Variants in BMX observed in about 807,000 individuals in gnomAD.
BMX encodes cytoplasmic tyrosine-protein kinase BMX.
BMX carries 31 observed loss-of-function variants against 59.2 expected under a neutral mutation model. That is an observed-to-expected ratio of 0.52 (90% CI 0.39 to 0.71). The LOEUF (loss-of-function observed/expected upper bound fraction) is 0.71, where lower values mean the gene tolerates loss of function less well. Ranked by LOEUF, BMX falls within the 30% of genes least tolerant of loss-of-function variation. BMX has a pLI of 0.00. For synonymous variants in BMX, 185 were observed against 181.0 expected (o/e 1.02, Z -0.18); for missense variants, 474 against 491.7 (o/e 0.96, Z 0.34).
In BMX at chrX:15,525,315, C is replaced by T. The variant is rs1211631582; in HGVS notation, c.780C>T (p.Ser260=). ...KSSSSSEDVA[S]SNQKERNVNH... The stretch of plus-strand genomic sequence containing the variant: ...GCAGCAGCAGTGAAGATGTTGCAAG[C>T]AGTAACCAAAAAGAAAGAAATGTGA... The change falls in exon 8 of 19, where the codon AGC becomes AGT. Residue 260 remains serine (S), a synonymous_variant. Transcript: ENST00000348343. 1.7e-6 allele frequency: 2 copies of T among 1,209,636 alleles called. No homozygotes were observed. Among genetic ancestry groups the T allele is most frequent in the Non-Finnish European group, 2.2e-6 (2 of 894,192 alleles).
At chrX:15,547,004 T>C (rs1181763496) in intron 17 of BMX, 83 bp downstream of exon 17, 53 of 806,526 alleles carry the variant, frequency 6.6e-5, no homozygotes, top group African/African-American at 1.0e-4. Flanking sequence ...GCAATGTCCA[T>C]TTTAAAAGGG....
At chrX:15,508,694 ACTAAGGCAAATTATAACTTTAGAAC>A (rs1923834221) in intron 2 of BMX, among the ~76,000 whole-genome samples, 1 of 112,390 alleles carries the variant, frequency 8.9e-6, no homozygotes, top group African/African-American at 3.2e-5. Context: ...AGTTAACTTT[ACTAAGGCAAATTATAACTTTAGAAC>A]AGTGGTTCTC....
intron 18 of BMX, among the ~76,000 whole-genome samples, chrX:15,550,712 A>ACC (rs1926158992): frequency 9.9e-6 from 1 of 101,195 alleles, no homozygotes; most frequent in Non-Finnish European, 2.0e-5. Flanking sequence ...ACACACACAC[A>ACC]AATAGGACTG....
chrX:15,540,015 C>G (rs1925582060), intron 14 of BMX, among the ~76,000 whole-genome samples: 1 of 112,173 alleles, frequency 8.9e-6, no homozygotes, highest in Admixed American at 9.4e-5. Flanking sequence ...CTGTGGAAGA[C>G]AGTGTGGTGA....
At chrX:15,536,803 AT>A (rs1478120881) in intron 13 of BMX, among the ~76,000 whole-genome samples, 1 of 111,035 alleles carries the variant, frequency 9.0e-6, no homozygotes, top group Non-Finnish European at 1.9e-5. Flanking sequence ...TATTAAAAAA[AT>A]CTGACAATGT....
chrX:15,533,973 A>G (rs941570123), intron 11 of BMX, among the ~76,000 whole-genome samples: 12 of 111,745 alleles, frequency 1.1e-4, no homozygotes, highest in Admixed American at 8.6e-4. Flanking sequence ...TTTACTGTAC[A>G]TGAAATCTAT....
In BMX at chrX:15,534,359, C is replaced by A. The variant is rs141696369; in HGVS notation, c.1147+20C>A. On this transcript the variant is annotated intron_variant, in intron 12 of 18. Transcript: ENST00000348343. ...CAGCAGGTAACTTATTTTAGTTTTTCTTTTATGGGCCCTTGTTGTAAAACA... is the reference window on the plus strand; with the variant it reads ...CAGCAGGTAACTTATTTTAGTTTTTATTTTATGGGCCCTTGTTGTAAAACA... 1.2e-4 allele frequency: 138 copies of A among 1,139,547 alleles called. No homozygotes were observed. The Middle Eastern group carries it at 1.5e-3, about 12-fold the overall frequency. 93.9% of individuals were successfully genotyped at this position (1,139,547 alleles called of 1,213,427 possible). A position where few individuals can be genotyped will look rare whatever the true frequency, so the allele number is the denominator to read the frequency against.
chrX:15,531,769 A>G (rs923721983), intron 11 of BMX, among the ~76,000 whole-genome samples: 14 of 111,449 alleles, frequency 1.3e-4, no homozygotes, highest in African/African-American at 4.6e-4. Context: ...TGGAGCGTCT[A>G]TACTCTCAGC....
In BMX at chrX:15,552,668, A is replaced by C. The variant is rs1268756131; in HGVS notation, c.1953+2671A>C. On this transcript the variant is annotated intron_variant, in intron 18 of 18. Transcript: ENST00000348343. ...ACCATGACTTTAATTCTTGATAAAA[A>C]TTCAGATGCACACAGGAAGGAGCAC... is the stretch of plus-strand genomic sequence containing the variant. 2.7e-5 allele frequency among the ~76,000 whole-genome samples: 3 copies of C among 112,221 alleles called. No individual in the cohort carries two copies. In the East Asian group the frequency reaches 8.3e-4, roughly 31 times the overall value.
chrX:15,514,764 A>G (rs1376101305), intron 4 of BMX, among the ~76,000 whole-genome samples: 1 of 111,330 alleles, frequency 9.0e-6, no homozygotes, highest in Non-Finnish European at 1.9e-5. Context: ...AGCCCCATAA[A>G]CCATTCATTC....
At chrX:15,502,007 G>T (rs1923587393) in intron 1 of BMX, among the ~76,000 whole-genome samples, 1 of 111,592 alleles carries the variant, frequency 9.0e-6, no homozygotes, top group East Asian at 2.8e-4. Context: ...AACTTTTTAT[G>T]GTCCTTTTTA....
chrX:15,528,557 C>A (rs1371018027), intron 9 of BMX, among the ~76,000 whole-genome samples: 1 of 110,562 alleles, frequency 9.0e-6, no homozygotes, highest in Non-Finnish European at 1.9e-5. Context: ...ACTTGGGAGG[C>A]TGAGGTGGGA....
At chrX:15,553,897 T>C (rs1402482682) in intron 18 of BMX, among the ~76,000 whole-genome samples, 1 of 112,137 alleles carries the variant, frequency 8.9e-6, no homozygotes, top group Non-Finnish European at 1.9e-5. Context: ...TCATGGTTGG[T>C]TCATAAAAGC....
intron 12 of BMX, among the ~76,000 whole-genome samples, chrX:15,535,619 A>G (rs763528660): frequency 4.3e-4 from 48 of 111,854 alleles, no homozygotes; most frequent in Non-Finnish European, 7.7e-4. Context: ...CACACCAAAT[A>G]TATATTTTAT....
chrX:15,511,020 G>A (rs1055767020), intron 3 of BMX, among the ~76,000 whole-genome samples: 2 of 112,087 alleles, frequency 1.8e-5, no homozygotes, highest in Non-Finnish European at 3.8e-5. Flanking sequence ...ACATAGCAGA[G>A]TAAAGAACAT....
At chrX:15,505,941 T>G (rs184057426) in intron 1 of BMX, among the ~76,000 whole-genome samples, 65 of 111,848 alleles carry the variant, frequency 5.8e-4, no homozygotes, top group African/African-American at 1.9e-3. Context: ...TTATTAATTT[T>G]TTTTGGAAGA....
At chrX:15,548,436 G>A (rs781093050) in intron 17 of BMX, among the ~76,000 whole-genome samples, 2 of 110,398 alleles carry the variant, frequency 1.8e-5, no homozygotes, top group South Asian at 7.7e-4. Context: ...CAGCCTTGGC[G>A]ACACAGCAAG....
Position 15,530,022 on chromosome X carries a change from C to T in BMX, c.934C>T (p.Gln312Ter). 1 of 1,206,641 alleles carries T rather than the reference C, an allele frequency of 8.3e-7. No individual in the cohort carries two copies. ...ATCACAATCTGAACAGTTACTCAGACAAAAGGTAAATAGTCTTGTCTTTAA... is the reference window on the plus strand; with the variant it reads ...ATCACAATCTGAACAGTTACTCAGATAAAAGGTAAATAGTCTTGTCTTTAA... Reference protein sequence around the residue: ...SRSQSEQLLRQKGKEGAFMVR... With the variant: ...SRSQSEQLLR The change falls in exon 10 of 19, where the codon CAA (glutamine) becomes TAA (stop). Residue 312 changes from glutamine to a stop codon, truncating the protein, a stop_gained. Transcript: ENST00000348343. LOFTEE classifies it high-confidence loss of function.
intron 9 of BMX, among the ~76,000 whole-genome samples, chrX:15,527,281 TATACACAC>T (rs1321600195): frequency 6.6e-4 from 36 of 54,404 alleles, no homozygotes; most frequent in African/African-American, 2.7e-3. Flanking sequence ...TATATATATA[TATACACAC>T]ACACACACAC....
Sources: gnomAD v4.1 joint callset for allele counts (sites outside exome capture counted in the v4.1 genomes callset) on GRCh38, gnomAD v4.1.1 for gene constraint, MANE v1.5 for transcripts, NCBI Gene and HGNC (gene_info 2026-07-23, HGNC 2026-07-21) for gene names.